SLF1: variants seen among roughly 807,000 people sequenced by gnomAD.
SLF1 encodes SMC5-SMC6 complex localization factor protein 1.
In SLF1, 105 loss-of-function variants were observed where a neutral mutation model predicts 123.0. That is an observed-to-expected ratio of 0.85 (90% CI 0.73 to 1.00). SLF1 has a LOEUF of 1.00. SLF1 is among the 50% of genes least tolerant of loss of function. The pLI is 0.00. For missense variants in SLF1, 1,239 were observed against 1,223.0 expected (o/e 1.01, Z -0.20); for synonymous variants, 434 against 406.6 (o/e 1.07, Z -0.81).
intron 4 of SLF1, among the ~76,000 whole-genome samples, chr5:94,640,379 AT>A: frequency 2.0e-5 from 3 of 151,450 alleles, no homozygotes; most frequent in East Asian, 3.9e-4. Flanking sequence ...CGTTTGTATC[AT>A]TTTGTCTTCC....
chr5:94,687,730 A>C (rs1418043591), intron 16 of SLF1, among the ~76,000 whole-genome samples: 1 of 152,038 alleles, frequency 6.6e-6, no homozygotes, highest in African/African-American at 2.4e-5. Context: ...AAGAAAGAAA[A>C]GAAAGGAAAA....
intron 14 of SLF1, among the ~76,000 whole-genome samples, chr5:94,675,900 G>A (rs1287533378): frequency 7.6e-6 from 1 of 130,994 alleles, no homozygotes; most frequent in Admixed American, 7.5e-5. Flanking sequence ...GTCCCAACTG[G>A]TTGATTTTTT....
rs758969926 is a variant in SLF1 at position 94,695,271 on chromosome 5, A to G, written c.3136A>G (p.Thr1046Ala). 7.4e-6 allele frequency: 12 copies of G among 1,611,392 alleles called. No individual in the cohort carries two copies. Among genetic ancestry groups the G allele is most frequent in the South Asian group, 2.2e-5 (2 of 90,866 alleles). ...PGVHTEALMI[T>A]LEMMCRSVME... is the part of the protein sequence containing the mutation. ...GGTACACACTGAGGCCTTGATGATA[A>G]CATTGGAAATGATGTGTCGGTCAGT... The change falls in exon 21 of 21, where the codon ACA becomes GCA. Residue 1046 changes from threonine to alanine, a missense_variant. Coordinates refer to ENST00000265140, the MANE Select transcript of SLF1 (RefSeq NM_032290.4).
At chr5:94,656,571 A>T (rs1314995960) in intron 9 of SLF1, among the ~76,000 whole-genome samples, 1 of 151,912 alleles carries the variant, frequency 6.6e-6, no homozygotes, top group Non-Finnish European at 1.5e-5. Context: ...TGCTGTTGAT[A>T]GTTCTTTATA....
intron 12 of SLF1, among the ~76,000 whole-genome samples, chr5:94,667,576 A>G (rs1260914745): frequency 3.3e-5 from 5 of 152,174 alleles, no homozygotes; most frequent in Non-Finnish European, 7.3e-5. Flanking sequence ...TGAACTACCT[A>G]TAGAAGATGG....
chr5:94,653,547 G>A, intron 8 of SLF1, 126 bp downstream of exon 8: 1 of 791,562 alleles, frequency 1.3e-6, no homozygotes. Flanking sequence ...AATATTCATA[G>A]TTAATATTCC....
intron 5 of SLF1, among the ~76,000 whole-genome samples, chr5:94,644,125 C>T (rs1352030840): frequency 2.6e-5 from 4 of 152,040 alleles, no homozygotes; most frequent in African/African-American, 4.8e-5. Context: ...AATCAAACCA[C>T]TTCTCTCTTT....
intron 17 of SLF1, among the ~76,000 whole-genome samples, 172 bp downstream of exon 17, chr5:94,688,841 C>G (rs1408983370): frequency 1.3e-5 from 2 of 152,156 alleles, no homozygotes; most frequent in Non-Finnish European, 2.9e-5. Flanking sequence ...ATTCAAGGTA[C>G]ATGCTTTCTA....
At chr5:94,643,870 G>A (rs943215466) in intron 5 of SLF1, among the ~76,000 whole-genome samples, 1 of 152,068 alleles carries the variant, frequency 6.6e-6, no homozygotes, top group African/African-American at 2.4e-5. Context: ...AGAAGAAACT[G>A]TCCAGGAGAT....
chr5:94,618,550 G>A (rs1316622263), upstream of SLF1: 1 of 153,438 alleles, frequency 6.5e-6, no homozygotes, highest in Middle Eastern at 1.2e-3. Flanking sequence ...CCGCTGGCCA[G>A]ACTCAAGCTC....
chr5:94,662,623 C>T (rs1325165483), intron 10 of SLF1, among the ~76,000 whole-genome samples: 1 of 152,146 alleles, frequency 6.6e-6, no homozygotes, highest in Non-Finnish European at 1.5e-5. Context: ...TTCCTGTTCT[C>T]ATGTTTCATA....
chr5:94,691,677 G>A (rs780577686), intron 19 of SLF1, 21 bp downstream of exon 19: 23 of 1,554,618 alleles, frequency 1.5e-5, no homozygotes, highest in Middle Eastern at 1.7e-4. Context: ...AATCTTTGTG[G>A]TCTAGTCCAA....
chr5:94,687,197 G>T (rs34074526), intron 16 of SLF1, among the ~76,000 whole-genome samples: 22,262 of 152,158 alleles, frequency 0.15, 1,810 homozygotes, highest in East Asian at 0.32. Flanking sequence ...GCCAGCGGCC[G>T]TGCTGAGTGC....
At chr5:94,680,860 TGTGA>T (rs1042998299) in intron 15 of SLF1, among the ~76,000 whole-genome samples, 4 of 152,220 alleles carry the variant, frequency 2.6e-5, no homozygotes, top group African/African-American at 9.6e-5. Context: ...ACTTTGATTC[TGTGA>T]GTAACATGAA....
chr5:94,664,945 G>A (rs896804358), intron 11 of SLF1, among the ~76,000 whole-genome samples: 3 of 152,086 alleles, frequency 2.0e-5, no homozygotes, highest in African/African-American at 7.2e-5. Flanking sequence ...TGTGAATACT[G>A]TATTTTTAAA....
intron 20 of SLF1, 120 bp from the exon 21 acceptor site, chr5:94,694,710 AT>A (rs1753396474): frequency 7.8e-7 from 1 of 1,287,584 alleles, no homozygotes; most frequent in African/African-American, 1.5e-5. Flanking sequence ...GTCGACATGA[AT>A]TAATACAAAA....
chr5:94,631,034 G>C (rs1745141052), intron 4 of SLF1, among the ~76,000 whole-genome samples: 1 of 152,066 alleles, frequency 6.6e-6, no homozygotes, highest in Non-Finnish European at 1.5e-5. Context: ...GGAGTTTTTT[G>C]TTTCTAGTTA....
rs1561442211 is a variant in SLF1, at chr5:94,651,758, CA to C, written c.801del (p.Glu268LysfsTer10). On this transcript the variant is annotated frameshift_variant, in exon 7 of 21. Transcript: ENST00000265140. LOFTEE classifies it high-confidence loss of function. ...NVGSILIQHH[K>X]KEKFSGSSKD... ...TTGGTTCTATTTTGATTCAACATCA[CA>C]AAAAAGAAAAATTCAGTGGTTCCAG... The C allele has an allele frequency of 6.6e-7, 1 of 1,524,882 alleles. No individual in the cohort carries two copies. The highest frequency in any genetic ancestry group is 2.1e-5 in the Admixed American group (1 of 46,512). The allele number at this position is 1,524,882 out of a possible 1,614,324, so 94.5% of individuals were successfully genotyped here. A position where few individuals can be genotyped will look rare whatever the true frequency, so the allele number is the denominator to read the frequency against.
chr5:94,626,355 T>C (rs949670581), intron 1 of SLF1, among the ~76,000 whole-genome samples: 5 of 152,216 alleles, frequency 3.3e-5, no homozygotes, highest in Admixed American at 2.6e-4. Flanking sequence ...TGTATATGAT[T>C]AATTTTTCAT....
Sources: allele counts gnomAD v4.1 joint callset (sites outside exome capture counted in the v4.1 genomes callset), GRCh38; gene constraint gnomAD v4.1.1; transcripts MANE v1.5; gene names NCBI Gene and HGNC (gene_info 2026-07-23, HGNC 2026-07-21).